DDX46: variants seen among roughly 807,000 people sequenced by gnomAD.
DDX46 encodes DEAD-box helicase 46.
DDX46 carries 30 observed loss-of-function variants against 134.9 expected under a neutral mutation model. The ratio of observed to expected loss-of-function variants is 0.22; its 90% CI spans 0.17 to 0.30. The LOEUF is 0.30. Among genes scored for constraint, DDX46 ranks in the 10% least tolerant of loss-of-function variants. DDX46 has a pLI of 1.00. For missense variants in DDX46, 622 were observed against 1,248.7 expected, an observed-to-expected ratio of 0.50 and a Z score of 7.56; for synonymous variants, 415 against 404.1, an observed-to-expected ratio of 1.03 and a Z score of -0.32.
At position 134,811,942 on chromosome 5, in the gene DDX46, A is replaced by C. The variant is rs937445582; in HGVS notation, c.2436+97A>C. 3.5e-6 allele frequency: 5 copies of C among 1,438,346 alleles called. No homozygotes were observed. In the African/African-American group the frequency reaches 7.2e-5, roughly 21 times the overall value. The allele number at this position is 1,438,346 out of a possible 1,614,324, so 89.1% of individuals were successfully genotyped here. Reference sequence around the variant, plus strand: ...GGTTATCAAGATAGACAATCACTGGAAACCTTTACAAGAGGTTGGTTCCAG... The same window carrying C: ...GGTTATCAAGATAGACAATCACTGGCAACCTTTACAAGAGGTTGGTTCCAG... On this transcript the variant is annotated intron_variant, in intron 18 of 22. Transcript: ENST00000452510.
chr5:134,763,861 C>T, intron 1 of DDX46, 43 bp from the exon 2 acceptor site: 1 of 1,552,868 alleles, frequency 6.4e-7, no homozygotes, highest in South Asian at 1.2e-5. Context: ...GTAATAGAAG[C>T]TAATGGTGTT....
Position 134,785,470 on chromosome 5 carries a change from A to G in DDX46, c.1348A>G (p.Ile450Val), listed in dbSNP as rs1439394564. The G allele has an allele frequency of 3.1e-6, 5 of 1,612,974 alleles. No homozygotes were observed. Among genetic ancestry groups the G allele is most frequent in the Non-Finnish European group, 4.2e-6 (5 of 1,179,626 alleles). The change falls in exon 11 of 23, where the codon ATC becomes GTC. Residue 450 changes from isoleucine to valine, a missense_variant. By Grantham distance (29) the Ile-to-Val change is conservative. Around this residue, in one of 8 missense-constraint regions of DDX46, gnomAD observed 209 missense variants for 508.4 expected, o/e 0.41. Coordinates refer to ENST00000452510, the MANE Select transcript of DDX46 (RefSeq NM_001300860.2). Reference protein sequence around the residue: ...LEEGEGPIAVIMTPTRELALQ... With the variant: ...LEEGEGPIAVVMTPTRELALQ... ...TGATGTATTTATCTTTCCAGCTGTCATCATGACTCCAACTCGAGAACTGGC... is the reference window on the plus strand; with the variant it reads ...TGATGTATTTATCTTTCCAGCTGTCGTCATGACTCCAACTCGAGAACTGGC...
chr5:134,770,693 T>TAG (rs1004122953), intron 3 of DDX46, among the ~76,000 whole-genome samples: 1 of 152,014 alleles, frequency 6.6e-6, no homozygotes, highest in African/African-American at 2.4e-5. Context: ...GCACCTGTAA[T>TAG]CTCAGCTATT....
chr5:134,784,442 A>G lies in DDX46; in HGVS notation c.1243A>G (p.Ile415Val). 6.2e-7 allele frequency: 1 copy of G among 1,614,162 alleles called. No individual in the cohort carries two copies. The highest frequency in any genetic ancestry group is 8.5e-7 in the Non-Finnish European group (1 of 1,180,004). Residue 415 changes from isoleucine to valine, a missense_variant, in exon 10 of 23, where the codon ATT (isoleucine) becomes GTT (valine). By Grantham distance (29) the Ile-to-Val change is conservative. This residue lies in a region of DDX46 where 209 missense variants were observed against 508.4 expected (regional missense o/e 0.41). Transcript: ENST00000452510. ...AATGTCTGGACGAGATTTGATTGGC[A>G]TTGCCAAAACAGGAAGTGGAAAGAC... Reference protein sequence around the residue: ...AIMSGRDLIGIAKTGSGKTIA... With the variant: ...AIMSGRDLIGVAKTGSGKTIA...
intron 22 of DDX46, 84 bp from the exon 23 acceptor site, chr5:134,828,575 T>C (rs1020230993): frequency 1.2e-6 from 1 of 847,532 alleles, no homozygotes; most frequent in Non-Finnish European, 1.6e-6. Flanking sequence ...TTGGGTTTGT[T>C]TGGTTGGTTG....
At position 134,788,676 on chromosome 5, in the gene DDX46, G is replaced by C. The variant is rs936719406; in HGVS notation, c.1543+85G>C. The C allele has an allele frequency of 5.0e-6, 6 of 1,209,850 alleles. No homozygotes were observed. The African/African-American group carries it at 7.6e-5, about 15-fold the overall frequency. 74.9% of individuals were successfully genotyped at this position (1,209,850 alleles called of 1,614,324 possible). ...AAAACAGATGCAAGAAACCAACAAAGGGTTTCTATATTTCTTCTTAAAGCT... is the reference window on the plus strand; with the variant it reads ...AAAACAGATGCAAGAAACCAACAAACGGTTTCTATATTTCTTCTTAAAGCT... On this transcript the variant is annotated intron_variant, in intron 12 of 22. Coordinates refer to ENST00000452510, the MANE Select transcript of DDX46 (RefSeq NM_001300860.2).
intron 5 of DDX46, 75 bp from the exon 6 acceptor site, chr5:134,777,499 G>A (rs1753983264): frequency 2.6e-6 from 4 of 1,540,406 alleles, no homozygotes; most frequent in Non-Finnish European, 3.5e-6. Context: ...AGGTTAGAGA[G>A]GTGGGGTGTG....
chr5:134,794,402 A>T (rs755027719), intron 13 of DDX46, among the ~76,000 whole-genome samples: 1 of 152,242 alleles, frequency 6.6e-6, no homozygotes, highest in Admixed American at 6.5e-5. Flanking sequence ...AGATTCTATC[A>T]GCACAATTGT....
chr5:134,781,020 TA>T (rs1561858246), intron 6 of DDX46, 112 bp from the exon 7 acceptor site: 19 of 735,274 alleles, frequency 2.6e-5, no homozygotes, highest in Admixed American at 3.7e-5. Context: ...ACCATGTCAC[TA>T]AAAAAAGAAA....
chr5:134,793,001 A>T (rs1754548475), intron 13 of DDX46, among the ~76,000 whole-genome samples: 1 of 152,124 alleles, frequency 6.6e-6, no homozygotes, highest in Non-Finnish European at 1.5e-5. Context: ...ACAAAAAAAT[A>T]TAAAAATTAG....
chr5:134,821,903 T>G (rs1222907904), intron 21 of DDX46, among the ~76,000 whole-genome samples: 3 of 150,648 alleles, frequency 2.0e-5, no homozygotes, highest in Non-Finnish European at 3.0e-5. Context: ...TTTGTTTTTT[T>G]TTTTTTTGAG....
chr5:134,796,206 G>A, intron 15 of DDX46, 56 bp downstream of exon 15: 1 of 1,575,152 alleles, frequency 6.3e-7, no homozygotes, highest in Non-Finnish European at 8.6e-7. Flanking sequence ...GCCAAGCATT[G>A]TGCTGTGTTC....
At chr5:134,802,394 T>C (rs548909766) in intron 15 of DDX46, among the ~76,000 whole-genome samples, 3 of 152,094 alleles carry the variant, frequency 2.0e-5, no homozygotes, top group East Asian at 1.9e-4. Flanking sequence ...ATTCCTGATA[T>C]CAGGTGATCC....
chr5:134,793,136 G>A (rs577479471), intron 13 of DDX46, among the ~76,000 whole-genome samples: 14 of 152,092 alleles, frequency 9.2e-5, no homozygotes, highest in Non-Finnish European at 1.2e-4. Flanking sequence ...CAGCCTGGGC[G>A]ACAGAGTGAG....
intron 15 of DDX46, among the ~76,000 whole-genome samples, chr5:134,799,715 G>T (rs1305791313): frequency 6.6e-6 from 1 of 150,774 alleles, no homozygotes; most frequent in Non-Finnish European, 1.5e-5. Flanking sequence ...TCTGGTGTGG[G>T]CGACAAAAGC....
Position 134,777,882 on chromosome 5 carries a change from C to G in DDX46, c.765+157C>G, listed in dbSNP as rs1753996817. On this transcript the variant is annotated intron_variant, in intron 6 of 22. Transcript: ENST00000452510. Reference sequence around the variant, plus strand: ...GTACTTTTTCTGAGTACCAGAGATACTGGTAAATTTTAGCTATAAGTGTTC... The same window carrying G: ...GTACTTTTTCTGAGTACCAGAGATAGTGGTAAATTTTAGCTATAAGTGTTC... The G allele has an allele frequency of 3.8e-6, 3 of 787,050 alleles. No individual in the cohort carries two copies. The South Asian group carries it at 7.2e-5, about 19-fold the overall frequency. The allele number at this position is 787,050 out of a possible 1,614,324, so 48.8% of individuals were successfully genotyped here.
At chr5:134,763,058 C>CA (rs35936033) in intron 1 of DDX46, among the ~76,000 whole-genome samples, 4,031 of 144,426 alleles carry the variant, frequency 0.028, 92 homozygotes, top group African/African-American at 0.071. Context: ...GACTCTTTCT[C>CA]AAAAAAAAAA....
chr5:134,788,835 T>A, intron 12 of DDX46, among the ~76,000 whole-genome samples: 1 of 149,538 alleles, frequency 6.7e-6, no homozygotes, highest in Non-Finnish European at 1.5e-5. Context: ...GGTGACAGAG[T>A]AAGACTCCGT....
intron 22 of DDX46, among the ~76,000 whole-genome samples, chr5:134,827,370 G>GTTCAAGTGATTCTCCTGCC (rs1755618529): frequency 6.6e-6 from 1 of 151,802 alleles, no homozygotes; most frequent in African/African-American, 2.4e-5. Context: ...CGCCTCCTGC[G>GTTCAAGTGATTCTCCTGCC]TTCAAGTGAT....
Sources: allele counts gnomAD v4.1 joint callset (sites outside exome capture counted in the v4.1 genomes callset), GRCh38; gene constraint gnomAD v4.1.1; regional missense constraint gnomAD v4.1.1; transcripts MANE v1.5; gene names NCBI Gene and HGNC (gene_info 2026-07-23, HGNC 2026-07-21).